The following PACC1 variants were observed in gnomAD, a reference collection of about 807,000 sequenced individuals.
PACC1 encodes the protein proton activated chloride channel 1, also known as proton-activated chloride channel.
PACC1 carries 34 observed loss-of-function variants against 39.7 expected under a neutral mutation model. The ratio of observed to expected loss-of-function variants is 0.86; its 90% confidence interval spans 0.65 to 1.14. PACC1 has a LOEUF of 1.14. Among genes scored for constraint, PACC1 ranks in the 50% most tolerant of loss-of-function variants. PACC1 has a pLI of 0.00. For synonymous variants in PACC1, 127 were observed against 160.6 expected (o/e 0.79, Z 1.58); for missense variants, 379 against 436.4 (o/e 0.87, Z 1.17).
chr1:212,414,773 T>G lies in PACC1; in HGVS notation c.-16A>C. 6.2e-7 allele frequency: 1 copy of G among 1,612,758 alleles called. No homozygotes were observed. Among genetic ancestry groups the G allele is most frequent in the Non-Finnish European group, 8.5e-7 (1 of 1,178,928 alleles). On this transcript the variant is annotated 5_prime_UTR_variant, in exon 1 of 8. Coordinates refer to ENST00000261455, the MANE Select transcript of PACC1 (RefSeq NM_018252.3). ...GCCGGATCATGGCACTGACCAGAGC[T>G]TCGGCACACCTGAGACCGCCCCAGC...
chr1:212,368,684 AGAAT>A, intron 7 of PACC1, among the ~76,000 whole-genome samples: 1 of 152,212 alleles, frequency 6.6e-6, no homozygotes, highest in South Asian at 2.1e-4. Flanking sequence ...TAAAAAAAAA[AGAAT>A]GAAGAACACT....
chr1:212,371,430 T>C (rs944501784), intron 7 of PACC1, among the ~76,000 whole-genome samples: 3 of 151,740 alleles, frequency 2.0e-5, no homozygotes, highest in Non-Finnish European at 4.4e-5. Flanking sequence ...AAAAACTATA[T>C]GCCAATAAAG....
At chr1:212,378,572 T>G (rs955867826) in intron 5 of PACC1, among the ~76,000 whole-genome samples, 3 of 152,280 alleles carry the variant, frequency 2.0e-5, no homozygotes, top group African/African-American at 7.2e-5. Context: ...TGGTAGGAAC[T>G]GAGTCCCTCT....
At chr1:212,371,258 AAG>A (rs1491040331) in intron 7 of PACC1, among the ~76,000 whole-genome samples, 2,414 of 126,412 alleles carry the variant, frequency 0.019, 18 homozygotes, top group African/African-American at 0.042. Context: ...AAAAAAAAAA[AAG>A]AAAGAAAAGT....
intron 2 of PACC1, among the ~76,000 whole-genome samples, chr1:212,402,609 G>C (rs992679622): frequency 1.3e-5 from 2 of 152,088 alleles, no homozygotes; most frequent in African/African-American, 4.8e-5. Context: ...CATTCTGTGG[G>C]CTGTCTTTTC....
At chr1:212,385,976 A>G (rs1661085855) in intron 3 of PACC1, among the ~76,000 whole-genome samples, 1 of 152,198 alleles carries the variant, frequency 6.6e-6, no homozygotes, top group South Asian at 2.1e-4. Context: ...GACAGACTTC[A>G]GAGACACTAA....
intron 7 of PACC1, among the ~76,000 whole-genome samples, chr1:212,367,102 T>C (rs1660272789): frequency 6.6e-6 from 1 of 152,178 alleles, no homozygotes; most frequent in South Asian, 2.1e-4. Flanking sequence ...GAGTCAGAAT[T>C]TGACGTTAGA....
chr1:212,411,630 G>C (rs1662130361), intron 1 of PACC1, among the ~76,000 whole-genome samples: 1 of 152,214 alleles, frequency 6.6e-6, no homozygotes, highest in Non-Finnish European at 1.5e-5. Context: ...TTGGGAGGGA[G>C]AGGGGACAGC....
chr1:212,381,770 G>GACACACACACACACAC (rs10529310), intron 4 of PACC1, among the ~76,000 whole-genome samples: 16,323 of 117,706 alleles, frequency 0.14, 1,652 homozygotes, highest in East Asian at 0.26. Context: ...ACAGCACAGT[G>GACACACACACACACAC]ACACACACAC....
At position 212,373,351 on chromosome 1, in the gene PACC1, C is replaced by A. The variant is rs1396718044; in HGVS notation, c.891+1842G>T. Among the ~76,000 whole-genome samples, 6 of 78,658 alleles carry A rather than the reference C, an allele frequency of 7.6e-5. 1 individual carries two copies. Among genetic ancestry groups the A allele is most frequent in the African/African-American group, 3.9e-4 (6 of 15,328 alleles). 51.6% of individuals were successfully genotyped at this position (78,658 alleles called of 152,430 possible). ...CCTATCTCTTACTATATAGAAAAATCCACTCAAAATAGACTCAAATCTAAG... is the reference window on the plus strand; with the variant it reads ...CCTATCTCTTACTATATAGAAAAATACACTCAAAATAGACTCAAATCTAAG... On this transcript the variant is annotated intron_variant, in intron 7 of 7. Coordinates refer to ENST00000261455, the MANE Select transcript of PACC1 (RefSeq NM_018252.3).
At chr1:212,402,445 G>T (rs1661751196) in intron 2 of PACC1, among the ~76,000 whole-genome samples, 1 of 152,116 alleles carries the variant, frequency 6.6e-6, no homozygotes. Flanking sequence ...GTGCTTACTA[G>T]TCATTTGTAT....
intron 4 of PACC1, among the ~76,000 whole-genome samples, chr1:212,382,593 G>T (rs575591567): frequency 6.6e-6 from 1 of 152,266 alleles, no homozygotes; most frequent in African/African-American, 2.4e-5. Context: ...CCTCGACTGG[G>T]GTCACTTTCA....
At chr1:212,411,671 T>A (rs573027830) in intron 1 of PACC1, among the ~76,000 whole-genome samples, 1 of 152,122 alleles carries the variant, frequency 6.6e-6, no homozygotes. Context: ...GTTCACAGCA[T>A]CAGTGTTTAA....
intron 7 of PACC1, among the ~76,000 whole-genome samples, chr1:212,366,393 C>T (rs1401098047): frequency 1.3e-5 from 2 of 150,984 alleles, no homozygotes; most frequent in Non-Finnish European, 3.0e-5. Context: ...CTCCGCCTCC[C>T]GGGTTCAATC....
intron 5 of PACC1, among the ~76,000 whole-genome samples, chr1:212,377,977 A>T (rs992671144): frequency 1.3e-5 from 2 of 152,112 alleles, no homozygotes; most frequent in Admixed American, 1.3e-4. Context: ...CAGTGGGAGA[A>T]ATCTTCCTCC....
intron 2 of PACC1, among the ~76,000 whole-genome samples, chr1:212,392,451 T>C (rs893783237): frequency 6.6e-5 from 10 of 152,154 alleles, no homozygotes; most frequent in Non-Finnish European, 4.4e-5. Context: ...GCACTAAACA[T>C]GGAAACGAAC....
intron 2 of PACC1, among the ~76,000 whole-genome samples, chr1:212,402,454 A>G (rs1176243547): frequency 6.6e-6 from 1 of 152,182 alleles, no homozygotes; most frequent in Non-Finnish European, 1.5e-5. Context: ...AGTCATTTGT[A>G]TATCTTCTTT....
Position 212,365,274 on chromosome 1 carries a change from T to C in PACC1, c.994A>G (p.Ile332Val). The change falls in exon 8 of 8, where the codon ATC becomes GTC. Residue 332 changes from isoleucine (I) to valine (V), a missense_variant. Transcript: ENST00000261455. ...TTAAGGTATCTCTTTCTAATTTTGA[T>C]CATCCATTTTATACTCAGTTTGGCA... Reference protein sequence around the residue: ...EFAKLSIKWMIKIRKRYLKRR... With the variant: ...EFAKLSIKWMVKIRKRYLKRR... The C allele has an allele frequency of 6.2e-7, 1 of 1,614,022 alleles. No individual in the cohort carries two copies. The highest frequency in any genetic ancestry group is 8.5e-7 in the Non-Finnish European group (1 of 1,180,008).
In PACC1 at chr1:212,365,053, C is replaced by A; in HGVS notation, c.*162G>T. 1.8e-6 allele frequency: 1 copy of A among 569,448 alleles called. No homozygotes were observed. The highest frequency in any genetic ancestry group is 3.1e-5 in the East Asian group (1 of 32,712). 35.3% of individuals were successfully genotyped at this position (569,448 alleles called of 1,614,324 possible). On this transcript the variant is annotated 3_prime_UTR_variant, in exon 8 of 8. Transcript: ENST00000261455. ...TCTTCTATTAGGCTCTACACCGCCT[C>A]TTTTGGGACGGGGTTAGAAGTTCCA...
Sources: gnomAD v4.1 joint callset for allele counts (sites outside exome capture counted in the v4.1 genomes callset) on GRCh38, gnomAD v4.1.1 for gene constraint, MANE v1.5 for transcripts, NCBI Gene and HGNC (gene_info 2026-07-23, HGNC 2026-07-21) for gene names.